Variants in ME3 observed in about 807,000 individuals in gnomAD.
ME3 encodes the protein NADP-dependent malic enzyme, mitochondrial.
A neutral mutation model predicts 68.9 loss-of-function variants in ME3; 48 were observed. That is an observed-to-expected ratio of 0.70 (90% CI 0.55 to 0.89). ME3 has a LOEUF of 0.89. ME3 is among the 40% of genes least tolerant of loss of function. The pLI, the probability that ME3 is intolerant of heterozygous loss-of-function variation, is 0.00. For missense variants in ME3, 675 were observed against 797.4 expected (o/e 0.85, Z 1.85); for synonymous variants, 320 against 318.8 (o/e 1.00, Z -0.04).
At chr11:86,559,760 A>G in exon 3 of ME3, 1 of 1,614,068 alleles carries the variant, frequency 6.2e-7, no homozygotes, top group Non-Finnish European at 8.5e-7. Context: ...TGGCTCAGAA[A>G]GCAGGGCGGG....
In ME3 at chr11:86,567,144, G is replaced by A. The variant is rs376707645; in HGVS notation, c.184-7321C>T. 1.1e-3 allele frequency among the ~76,000 whole-genome samples: 168 copies of A among 152,142 alleles called. 2 individuals carry two copies. The South Asian group carries it at 0.034, about 31-fold the overall frequency. The stretch of plus-strand genomic sequence containing the variant: ...AGGCAGGAAAATCGCATGAAACTGG[G>A]AGGCGGAGGTTGCAGTGAGCCAAGA... On this transcript the variant is annotated intron_variant, in intron 2 of 14. Coordinates refer to ENST00000543262, the Ensembl canonical transcript of ME3.
At chr11:86,552,329 C>G (rs1956731181) in intron 4 of ME3, among the ~76,000 whole-genome samples, 1 of 152,210 alleles carries the variant, frequency 6.6e-6, no homozygotes, top group African/African-American at 2.4e-5. Flanking sequence ...AGCCCTCTGA[C>G]AAAGACGCTC....
In ME3 at chr11:86,592,353, G is replaced by C. The variant is rs190650001; in HGVS notation, c.184-32530C>G. On this transcript the variant is annotated intron_variant, in intron 2 of 14. Transcript: ENST00000543262. Reference sequence around the variant, plus strand: ...CAAAGCCAGTTTCTTAGGCCTTGAGGGGGGGAAATAGGCTATTTAAACTCA... The same window carrying C: ...CAAAGCCAGTTTCTTAGGCCTTGAGCGGGGGAAATAGGCTATTTAAACTCA... Among the ~76,000 whole-genome samples, 655 of 152,262 alleles carry C rather than the reference G, an allele frequency of 4.3e-3. 4 individuals carry two copies. The highest frequency in any genetic ancestry group is 0.015 in the African/African-American group (631 of 41,542).
chr11:86,532,906 A>G (rs1189863584), intron 4 of ME3, among the ~76,000 whole-genome samples: 4 of 152,168 alleles, frequency 2.6e-5, no homozygotes, highest in Non-Finnish European at 5.9e-5. Flanking sequence ...CTAAAAAATT[A>G]GCCGGGCATG....
chr11:86,541,349 C>T (rs1956037262), intron 4 of ME3, among the ~76,000 whole-genome samples: 1 of 152,192 alleles, frequency 6.6e-6, no homozygotes, highest in African/African-American at 2.4e-5. Flanking sequence ...AGTGGTCTAG[C>T]TCAGTGGATC....
chr11:86,516,737 C>T (rs766870983), intron 4 of ME3, among the ~76,000 whole-genome samples: 21 of 152,122 alleles, frequency 1.4e-4, no homozygotes, highest in Non-Finnish European at 2.5e-4. Context: ...CAGGAGGTTG[C>T]TGTTTAAAGG....
chr11:86,532,841 A>G (rs976548667), intron 4 of ME3, among the ~76,000 whole-genome samples: 5 of 152,176 alleles, frequency 3.3e-5, no homozygotes, highest in African/African-American at 9.7e-5. Flanking sequence ...GGGCGGATCA[A>G]CTGAGGTCAG....
chr11:86,457,850 C>T, intron 8 of ME3: 1 of 1,183,170 alleles, frequency 8.5e-7, no homozygotes, highest in Non-Finnish European at 1.1e-6. Context: ...GAGGTTGTAG[C>T]TTCAGGAAAT....
chr11:86,473,374 T>G (rs879578645), intron 7 of ME3, among the ~76,000 whole-genome samples: 9 of 151,756 alleles, frequency 5.9e-5, no homozygotes, highest in Admixed American at 5.3e-4. Context: ...TGGCATGGGG[T>G]TAAAGTGAAA....
At chr11:86,588,931 A>G (rs558580270) in intron 2 of ME3, among the ~76,000 whole-genome samples, 13 of 152,244 alleles carry the variant, frequency 8.5e-5, no homozygotes, top group East Asian at 3.9e-4. Context: ...TGTGTCCCCA[A>G]TGCTTGAGAG....
intron 7 of ME3, among the ~76,000 whole-genome samples, chr11:86,468,846 G>A (rs1950627939): frequency 6.6e-6 from 1 of 152,176 alleles, no homozygotes; most frequent in East Asian, 1.9e-4. Context: ...GCACCGTGCT[G>A]AGCTCTTTAC....
At chr11:86,507,865 G>A (rs918150358) in intron 5 of ME3, among the ~76,000 whole-genome samples, 14 of 151,666 alleles carry the variant, frequency 9.2e-5, no homozygotes, top group Admixed American at 2.6e-4. Context: ...CATGCCTGTC[G>A]TCCCAGCTAC....
intron 7 of ME3, among the ~76,000 whole-genome samples, chr11:86,466,198 G>C (rs1203761938): frequency 6.6e-6 from 1 of 152,210 alleles, no homozygotes; most frequent in South Asian, 2.1e-4. Flanking sequence ...TCTGCACACA[G>C]ATTTCCCCTT....
intron 2 of ME3, among the ~76,000 whole-genome samples, chr11:86,561,369 G>A (rs1403482756): frequency 6.6e-6 from 1 of 152,166 alleles, no homozygotes; most frequent in South Asian, 2.1e-4. Context: ...GCAAGATTTG[G>A]GCACTATTTA....
At chr11:86,652,171 C>T (rs1463471830) in intron 2 of ME3, among the ~76,000 whole-genome samples, 3 of 152,148 alleles carry the variant, frequency 2.0e-5, no homozygotes, top group Admixed American at 6.5e-5. Context: ...AAACACTCTG[C>T]AGGATATTAT....
chr11:86,572,925 A>G (rs2139560346), intron 2 of ME3, among the ~76,000 whole-genome samples: 1 of 152,318 alleles, frequency 6.6e-6, no homozygotes, highest in Non-Finnish European at 1.5e-5. Flanking sequence ...GTTTCTCCAC[A>G]GCCTCATCAG....
intron 2 of ME3, among the ~76,000 whole-genome samples, chr11:86,604,293 G>T (rs1961270660): frequency 1.3e-5 from 2 of 152,014 alleles, no homozygotes; most frequent in African/African-American, 4.8e-5. Flanking sequence ...GGCATGTCCA[G>T]CCCCCATTTC....
chr11:86,508,708 C>G (rs1953274281), intron 5 of ME3, 84 bp downstream of exon 5: 1 of 1,316,692 alleles, frequency 7.6e-7, no homozygotes, highest in Non-Finnish European at 1.1e-6. Flanking sequence ...CATAATGGCT[C>G]ATTTTATAGA....
chr11:86,498,844 T>C (rs1486509149), intron 5 of ME3, among the ~76,000 whole-genome samples: 1 of 152,210 alleles, frequency 6.6e-6, no homozygotes, highest in African/African-American at 2.4e-5. Context: ...TATTCATTCA[T>C]TTAATACATA....
Sources: allele counts gnomAD v4.1 joint callset (sites outside exome capture counted in the v4.1 genomes callset), GRCh38; gene constraint gnomAD v4.1.1; transcripts MANE v1.5; gene names NCBI Gene and HGNC (gene_info 2026-07-23, HGNC 2026-07-21).